Variants in MYO3B observed in about 807,000 individuals in gnomAD.
MYO3B encodes myosin IIIB.
A neutral mutation model predicts 174.6 loss-of-function variants in MYO3B; 156 were observed. The ratio of observed to expected loss-of-function variants is 0.89; its 90% CI spans 0.78 to 1.02. The LOEUF is 1.02. MYO3B is among the 50% of genes least tolerant of loss of function. The pLI is 0.00. For missense variants in MYO3B, 1,632 were observed against 1,639.4 expected (o/e 1.00, Z 0.08); for synonymous variants, 563 against 569.1 (o/e 0.99, Z 0.15).
intron 9 of MYO3B, among the ~76,000 whole-genome samples, chr2:170,372,784 A>C (rs1351810989): frequency 2.0e-5 from 3 of 152,164 alleles, no homozygotes; most frequent in Admixed American, 1.3e-4. Context: ...TGGGTAGATG[A>C]TCCTTGAACT....
intron 8 of MYO3B, among the ~76,000 whole-genome samples, chr2:170,359,494 G>T (rs969737356): frequency 6.6e-6 from 1 of 152,044 alleles, no homozygotes; most frequent in African/African-American, 2.4e-5. Context: ...GTTTAATGTG[G>T]CTAAGAAAGC....
At chr2:170,588,597 G>T (rs1013355160) in intron 32 of MYO3B, among the ~76,000 whole-genome samples, 1 of 152,196 alleles carries the variant, frequency 6.6e-6, no homozygotes, top group Admixed American at 6.5e-5. Context: ...TATTGTTGAT[G>T]ATGCTCCCAC....
At chr2:170,374,583 T>C (rs1275690308) in intron 9 of MYO3B, among the ~76,000 whole-genome samples, 1 of 152,102 alleles carries the variant, frequency 6.6e-6, no homozygotes, top group East Asian at 1.9e-4. Flanking sequence ...CTAAGAATCA[T>C]GGAGGGCTTG....
intron 7 of MYO3B, among the ~76,000 whole-genome samples, chr2:170,273,044 A>G (rs752667388): frequency 1.3e-5 from 2 of 152,046 alleles, no homozygotes; most frequent in East Asian, 1.9e-4. Flanking sequence ...GGGGTAGTGT[A>G]TATGTGTTTC....
At chr2:170,335,647 G>T (rs1393262646) in intron 8 of MYO3B, among the ~76,000 whole-genome samples, 197 bp downstream of exon 8, 1 of 152,210 alleles carries the variant, frequency 6.6e-6, no homozygotes, top group Admixed American at 6.5e-5. Context: ...TTGACTCTCA[G>T]TTATAATAAG....
At chr2:170,457,619 G>T (rs1440309995) in intron 23 of MYO3B, among the ~76,000 whole-genome samples, 1 of 152,086 alleles carries the variant, frequency 6.6e-6, no homozygotes, top group Non-Finnish European at 1.5e-5. Flanking sequence ...GGTCTAACAC[G>T]CATAGTGTCA....
chr2:170,222,853 A>G (rs550070675), intron 6 of MYO3B, among the ~76,000 whole-genome samples: 6 of 152,232 alleles, frequency 3.9e-5, no homozygotes, highest in East Asian at 3.9e-4. Context: ...CAAGTTTCCA[A>G]GGTAATTAGT....
chr2:170,587,767 T>A (rs1167634943), intron 32 of MYO3B, among the ~76,000 whole-genome samples: 2 of 152,210 alleles, frequency 1.3e-5, no homozygotes, highest in African/African-American at 2.4e-5. Flanking sequence ...CAGTGTTGAA[T>A]TTACTGTTAG....
chr2:170,636,974 G>GTGTA (rs1276607187), intron 32 of MYO3B, among the ~76,000 whole-genome samples: 1 of 151,600 alleles, frequency 6.6e-6, no homozygotes, highest in Non-Finnish European at 1.5e-5. Flanking sequence ...GTGTGTGTGT[G>GTGTA]TGTGTGTGTG....
chr2:170,327,874 T>C (rs202040250), intron 7 of MYO3B, among the ~76,000 whole-genome samples: 2 of 40,404 alleles, frequency 4.9e-5, no homozygotes, highest in Non-Finnish European at 1.7e-4. Flanking sequence ...TATATATATA[T>C]ACACTATATA....
intron 6 of MYO3B, 71 bp from the exon 7 acceptor site, chr2:170,235,920 G>A: frequency 6.3e-7 from 1 of 1,596,534 alleles, no homozygotes; most frequent in South Asian, 1.1e-5. Context: ...GCTAAGATCA[G>A]CCCAGGGCCT....
intron 24 of MYO3B, among the ~76,000 whole-genome samples, chr2:170,465,252 C>A (rs1167542218): frequency 6.6e-6 from 1 of 152,128 alleles, no homozygotes; most frequent in Non-Finnish European, 1.5e-5. Context: ...CCAGCATCTA[C>A]TTGGCTTCTG....
At chr2:170,422,694 G>A (rs2094626109) in intron 22 of MYO3B, among the ~76,000 whole-genome samples, 1 of 151,946 alleles carries the variant, frequency 6.6e-6, no homozygotes, top group African/African-American at 2.4e-5. Flanking sequence ...GACCTCAGGT[G>A]ATCCACCCGC....
rs550836088 is a variant in MYO3B at position 170,642,116 on chromosome 2, G to A, written c.3734-9512G>A. 2.4e-4 allele frequency among the ~76,000 whole-genome samples: 37 copies of A among 152,136 alleles called. 1 individual carries two copies. The Middle Eastern group carries it at 0.01, about 42-fold the overall frequency. ...CTGGACAAAAACATCCCAATTAACCGTCTGAGAACCAAAGAATAGGCCACA... is the reference window on the plus strand; with the variant it reads ...CTGGACAAAAACATCCCAATTAACCATCTGAGAACCAAAGAATAGGCCACA... On this transcript the variant is annotated intron_variant, in intron 32 of 34. Transcript: ENST00000408978.
intron 14 of MYO3B, among the ~76,000 whole-genome samples, chr2:170,388,568 C>T (rs916112185): frequency 4.6e-5 from 7 of 152,080 alleles, no homozygotes; most frequent in East Asian, 1.9e-4. Flanking sequence ...AGCCACTGAA[C>T]GTTTTCAAGC....
At chr2:170,601,022 G>T (rs1471803667) in intron 32 of MYO3B, among the ~76,000 whole-genome samples, 1 of 152,110 alleles carries the variant, frequency 6.6e-6, no homozygotes, top group Non-Finnish European at 1.5e-5. Context: ...ATGATATGCA[G>T]GGTGCATAGA....
At chr2:170,282,310 TC>T (rs2093517599) in intron 7 of MYO3B, among the ~76,000 whole-genome samples, 1 of 152,174 alleles carries the variant, frequency 6.6e-6, no homozygotes, top group Non-Finnish European at 1.5e-5. Flanking sequence ...CTAGTTTCGT[TC>T]TTCTGCATAT....
chr2:170,203,527 G>T (rs2092685909), intron 3 of MYO3B, among the ~76,000 whole-genome samples: 1 of 150,044 alleles, frequency 6.7e-6, no homozygotes, highest in African/African-American at 2.5e-5. Context: ...GGGAGAAAGA[G>T]AGACAGCAGA....
intron 32 of MYO3B, among the ~76,000 whole-genome samples, chr2:170,608,141 G>A (rs143403432): frequency 1.7e-4 from 26 of 152,322 alleles, no homozygotes; most frequent in Middle Eastern, 3.4e-3. Flanking sequence ...AGGCGAGGCG[G>A]AGGTTGCAGT....
Sources: allele counts gnomAD v4.1 joint callset (sites outside exome capture counted in the v4.1 genomes callset), GRCh38; gene constraint gnomAD v4.1.1; transcripts MANE v1.5; gene names NCBI Gene and HGNC (gene_info 2026-07-23, HGNC 2026-07-21).